The following WDR70 variants were observed in gnomAD, a reference collection of about 807,000 sequenced individuals.
The protein encoded by WDR70 is WD repeat domain 70, also known as WD repeat-containing protein 70.
Under a neutral mutation model 88.6 loss-of-function variants are expected in WDR70, and 53 were observed. That is an observed-to-expected ratio of 0.60 (90% CI 0.48 to 0.75). The LOEUF (loss-of-function observed/expected upper bound fraction) is 0.75, where lower values mean the gene tolerates loss of function less well. WDR70 is among the 30% of genes least tolerant of loss of function. WDR70 has a pLI of 0.00. For synonymous variants in WDR70, 280 were observed against 270.0 expected (o/e 1.04, Z -0.36); for missense variants, 610 against 823.2 (o/e 0.74, Z 3.17).
At chr5:37,742,488 C>T (rs772758177) in intron 17 of WDR70, among the ~76,000 whole-genome samples, 47 of 152,062 alleles carry the variant, frequency 3.1e-4, no homozygotes, top group Non-Finnish European at 6.0e-4. Context: ...GGATATTAAT[C>T]CTTTGTCAGG....
At chr5:37,507,830 G>T (rs1034721183) in intron 8 of WDR70, among the ~76,000 whole-genome samples, 4 of 152,060 alleles carry the variant, frequency 2.6e-5, no homozygotes, top group African/African-American at 9.7e-5. Flanking sequence ...ACTGTCATTG[G>T]TAGTGCATAG....
chr5:37,626,751 C>G (rs1744675574), intron 10 of WDR70, among the ~76,000 whole-genome samples: 1 of 152,090 alleles, frequency 6.6e-6, no homozygotes, highest in Non-Finnish European at 1.5e-5. Context: ...TGGTTTTGGA[C>G]TTTTTTGTTG....
chr5:37,579,894 C>T (rs929941634), intron 9 of WDR70, among the ~76,000 whole-genome samples: 3 of 151,988 alleles, frequency 2.0e-5, no homozygotes, highest in South Asian at 2.1e-4. Flanking sequence ...CTTAACACTC[C>T]GTTTTAATTT....
At chr5:37,631,362 G>A (rs773067412) in intron 10 of WDR70, among the ~76,000 whole-genome samples, 12 of 152,142 alleles carry the variant, frequency 7.9e-5, no homozygotes, top group Non-Finnish European at 1.5e-4. Flanking sequence ...GATATATAGA[G>A]CTTGACCAGA....
intron 10 of WDR70, among the ~76,000 whole-genome samples, chr5:37,638,408 T>A (rs1745026961): frequency 6.6e-6 from 1 of 152,190 alleles, no homozygotes; most frequent in Non-Finnish European, 1.5e-5. Context: ...TGAGTTTTTA[T>A]GGTTATAAAA....
At chr5:37,485,643 T>C (rs1561870999) in intron 8 of WDR70, among the ~76,000 whole-genome samples, 1 of 152,130 alleles carries the variant, frequency 6.6e-6, no homozygotes, top group Non-Finnish European at 1.5e-5. Flanking sequence ...GTGAGTTCAA[T>C]GTTAATGAAT....
chr5:37,443,235 C>T lies in WDR70; in HGVS notation c.553-4C>T. ...GTCATTTTATTTTATTTTTTTAAAA[C>T]CAGGTGTCTGCTTTGGGTCTGGATC... On this transcript the variant is annotated splice_polypyrimidine_tract_variant and splice_region_variant and intron_variant, in intron 6 of 17. Coordinates refer to ENST00000265107, the MANE Select transcript of WDR70 (RefSeq NM_018034.4). 6.2e-7 allele frequency: 1 copy of T among 1,604,836 alleles called. No individual in the cohort carries two copies. The highest frequency in any genetic ancestry group is 8.5e-7 in the Non-Finnish European group (1 of 1,175,946).
At chr5:37,543,299 T>C (rs1452796097) in intron 9 of WDR70, among the ~76,000 whole-genome samples, 1 of 152,178 alleles carries the variant, frequency 6.6e-6, no homozygotes, top group Non-Finnish European at 1.5e-5. Context: ...TTGGGAATGA[T>C]TGGTTATGTA....
chr5:37,444,583 T>G (rs1738400858), intron 7 of WDR70, among the ~76,000 whole-genome samples: 1 of 152,098 alleles, frequency 6.6e-6, no homozygotes, highest in African/African-American at 2.4e-5. Context: ...TCTCAAGTAA[T>G]CCACCTGCCT....
At chr5:37,542,216 A>G (rs1343426308) in intron 9 of WDR70, among the ~76,000 whole-genome samples, 1 of 152,058 alleles carries the variant, frequency 6.6e-6, no homozygotes, top group Non-Finnish European at 1.5e-5. Flanking sequence ...CTTGTTTTAT[A>G]TACTGTGAAA....
chr5:37,601,762 C>T (rs111401765), intron 9 of WDR70, among the ~76,000 whole-genome samples: 4 of 152,086 alleles, frequency 2.6e-5, no homozygotes, highest in African/African-American at 9.7e-5. Context: ...GAAAAAGACA[C>T]ATGCACACGT....
At chr5:37,392,176 A>AG in intron 4 of WDR70, 56 bp downstream of exon 4, 1 of 1,361,176 alleles carries the variant, frequency 7.3e-7, no homozygotes, top group Non-Finnish European at 9.9e-7. Flanking sequence ...GTGTTTATAG[A>AG]GTTTTTTTTT....
chr5:37,563,750 A>G lies in WDR70; in HGVS notation c.918-41314A>G, dbSNP rs1462213358. The stretch of plus-strand genomic sequence containing the variant: ...CAGACGGGGTGGCTGCCGGGCGGAG[A>G]TGCTCCTCACGTCCCAGACGGAGTG... On this transcript the variant is annotated intron_variant, in intron 9 of 17. Coordinates refer to ENST00000265107, the MANE Select transcript of WDR70 (RefSeq NM_018034.4). 3.4e-5 allele frequency among the ~76,000 whole-genome samples: 4 copies of G among 118,804 alleles called. 1 individual carries two copies. Among genetic ancestry groups the G allele is most frequent in the South Asian group, 6.6e-4 (2 of 3,038 alleles). 77.9% of individuals were successfully genotyped at this position (118,804 alleles called of 152,430 possible). A position where few individuals can be genotyped will look rare whatever the true frequency, so the allele number is the denominator to read the frequency against.
intron 7 of WDR70, among the ~76,000 whole-genome samples, chr5:37,448,474 G>A (rs533974635): frequency 1.5e-4 from 23 of 152,232 alleles, no homozygotes; most frequent in East Asian, 1.2e-3. Flanking sequence ...AAATATAGAC[G>A]CGTATGTATT....
chr5:37,449,765 T>C (rs967420771), intron 7 of WDR70, among the ~76,000 whole-genome samples: 4 of 152,100 alleles, frequency 2.6e-5, no homozygotes, highest in African/African-American at 9.7e-5. Flanking sequence ...ATTTTTACTA[T>C]ACTTTTAAGT....
chr5:37,408,305 C>T (rs1276366617), intron 5 of WDR70, among the ~76,000 whole-genome samples: 2 of 152,004 alleles, frequency 1.3e-5, no homozygotes, highest in African/African-American at 2.4e-5. Context: ...AACCCCATCT[C>T]TACTAAAAAT....
At position 37,382,794 on chromosome 5, in the gene WDR70, C is replaced by T. The variant is rs151006168; in HGVS notation, c.175+1109C>T. On this transcript the variant is annotated intron_variant, in intron 3 of 17. Coordinates refer to ENST00000265107, the MANE Select transcript of WDR70 (RefSeq NM_018034.4). ...TTGGGAGGCTGAGGCAGGTGAATCACGTAAGGTCAGGAGTTCGTGACCAGC... is the reference window on the plus strand; with the variant it reads ...TTGGGAGGCTGAGGCAGGTGAATCATGTAAGGTCAGGAGTTCGTGACCAGC... Among the ~76,000 whole-genome samples, 321 of 152,098 alleles carry T rather than the reference C, an allele frequency of 2.1e-3. 8 individuals carry two copies. In the East Asian group the frequency reaches 0.042, roughly 20 times the overall value.
chr5:37,438,625 A>G (rs1382778509), intron 6 of WDR70, among the ~76,000 whole-genome samples: 1 of 152,156 alleles, frequency 6.6e-6, no homozygotes, highest in African/African-American at 2.4e-5. Flanking sequence ...CAGTGAAACT[A>G]CTTTTTTCTA....
chr5:37,587,937 G>A (rs879582635), intron 9 of WDR70, among the ~76,000 whole-genome samples: 4 of 151,974 alleles, frequency 2.6e-5, no homozygotes, highest in South Asian at 2.1e-4. Flanking sequence ...ACACCACCAC[G>A]CCAGCTAATT....
Sources: gnomAD v4.1 joint callset for allele counts (sites outside exome capture counted in the v4.1 genomes callset) on GRCh38, gnomAD v4.1.1 for gene constraint, MANE v1.5 for transcripts, NCBI Gene and HGNC (gene_info 2026-07-23, HGNC 2026-07-21) for gene names.